Variants in CAMSAP1 observed in about 807,000 individuals in gnomAD.
CAMSAP1 encodes the protein calmodulin-regulated spectrin-associated protein 1.
A neutral mutation model predicts 143.5 loss-of-function variants in CAMSAP1; 58 were observed. The observed-to-expected ratio is 0.40, with a 90% confidence interval of 0.33 to 0.50. The LOEUF (loss-of-function observed/expected upper bound fraction) is 0.50. CAMSAP1 is among the 20% of genes least tolerant of loss of function. The pLI, the probability that CAMSAP1 is intolerant of heterozygous loss-of-function variation, is 0.45. For missense variants in CAMSAP1, 1,969 were observed against 2,115.7 expected, an observed-to-expected ratio of 0.93 and a Z score of 1.36; for synonymous variants, 945 against 859.3, an observed-to-expected ratio of 1.10 and a Z score of -1.74.
intron 7 of CAMSAP1, among the ~76,000 whole-genome samples, chr9:135,843,055 T>G (rs1460681168): frequency 6.6e-6 from 1 of 151,980 alleles, no homozygotes; most frequent in Non-Finnish European, 1.5e-5. Context: ...GGGCCGGGTG[T>G]GGTGGCTCGC....
chr9:135,853,883 G>C (rs2130911789), intron 5 of CAMSAP1, among the ~76,000 whole-genome samples: 1 of 152,374 alleles, frequency 6.6e-6, no homozygotes, highest in East Asian at 1.9e-4. Flanking sequence ...ATGAGGCCCA[G>C]AGCCACGATC....
rs114408782 is a variant in CAMSAP1, at chr9:135,877,019, G to T, written c.585+4614C>A. 1.7e-3 allele frequency among the ~76,000 whole-genome samples: 262 copies of T among 152,060 alleles called. 2 individuals carry two copies. The highest frequency in any genetic ancestry group is 6.0e-3 in the African/African-American group (251 of 41,496). On this transcript the variant is annotated intron_variant, in intron 3 of 16. Transcript: ENST00000389532. ...GTGAGACTACATCTAAAAAAAGAAAGAAATAAAAATATATCTGCACACAAA... is the reference window on the plus strand; with the variant it reads ...GTGAGACTACATCTAAAAAAAGAAATAAATAAAAATATATCTGCACACAAA...
chr9:135,823,313 C>G, intron 10 of CAMSAP1, 53 bp from the exon 11 acceptor site: 3 of 1,504,756 alleles, frequency 2.0e-6, no homozygotes, highest in Admixed American at 2.3e-5. Context: ...CCAAAGACCC[C>G]CAACATGGAC....
chr9:135,818,300 C>G lies in CAMSAP1; in HGVS notation c.4168+108G>C. On this transcript the variant is annotated intron_variant, in intron 13 of 16. Coordinates refer to ENST00000389532, the MANE Select transcript of CAMSAP1 (RefSeq NM_015447.4). The surrounding 1 kb of genome is among the most constrained non-coding windows in gnomAD (Gnocchi z 7.7). ...TGAAACGGGGATAATCATCTCCACC[C>G]TTCCCGCCTCACACCACTCTTGATG... The G allele has an allele frequency of 7.9e-7, 1 of 1,264,304 alleles. No individual in the cohort carries two copies. Among genetic ancestry groups the G allele is most frequent in the Non-Finnish European group, 1.1e-6 (1 of 923,110 alleles). The allele number at this position is 1,264,304 out of a possible 1,614,324, so 78.3% of individuals were successfully genotyped here. A position where few individuals can be genotyped will look rare whatever the true frequency, so the allele number is the denominator to read the frequency against.
intron 7 of CAMSAP1, chr9:135,849,912 T>C: frequency 2.4e-6 from 1 of 424,374 alleles, no homozygotes; most frequent in Admixed American, 4.0e-5. Context: ...CCTGGAACTT[T>C]TAGAGTTGTG....
chr9:135,905,253 A>C (rs546972053), intron 1 of CAMSAP1, among the ~76,000 whole-genome samples: 1 of 152,240 alleles, frequency 6.6e-6, no homozygotes, highest in Non-Finnish European at 1.5e-5. Context: ...ATACTAACAC[A>C]GAGACACGCG....
rs11553781 is a variant in CAMSAP1, at chr9:135,809,997, T to C, written c.*1312A>G. The C allele has an allele frequency of 6.5e-6, 1 of 152,776 alleles. No homozygotes were observed. The highest frequency in any genetic ancestry group is 2.1e-4 in the South Asian group (1 of 4,828). The allele number at this position is 152,776 out of a possible 1,614,324, so 9.5% of individuals were successfully genotyped here. A position where few individuals can be genotyped will look rare whatever the true frequency, so the allele number is the denominator to read the frequency against. ...TTGATCTTTTGATTTTTTCTGCAGT[T>C]TGAGATAGATTCAAGTAACACTCCC... On this transcript the variant is annotated 3_prime_UTR_variant, in exon 17 of 17. Transcript: ENST00000389532.
In CAMSAP1 at chr9:135,810,259, A is replaced by G. The variant is rs546903710; in HGVS notation, c.*1050T>C. 8.5e-5 allele frequency: 13 copies of G among 152,378 alleles called. No individual in the cohort carries two copies. The East Asian group carries it at 2.5e-3, about 29-fold the overall frequency. 9.4% of individuals were successfully genotyped at this position (152,378 alleles called of 1,614,324 possible). ...ATTGTTTTTAAATAGGCAACAAAACAAAAGTATCCATCTACAGGGGAAACG... is the reference window on the plus strand; with the variant it reads ...ATTGTTTTTAAATAGGCAACAAAACGAAAGTATCCATCTACAGGGGAAACG... On this transcript the variant is annotated 3_prime_UTR_variant, in exon 17 of 17. Transcript: ENST00000389532.
In CAMSAP1 at chr9:135,827,430, C is replaced by A; in HGVS notation, c.1200G>T (p.Leu400=). The change falls in exon 8 of 17, where the codon CTG becomes CTT. Residue 400 remains leucine (L), a synonymous_variant. Transcript: ENST00000389532. ...ACAGGTATTCAGGTTCTTCCGGGTG[C>A]AGGTAGTGCCTGTGACAGCCTTCCG... The part of the protein sequence containing the change: ...LPAEGCHRHY[L]HPEEPEYLGK... 6.3e-7 allele frequency: 1 copy of A among 1,580,406 alleles called. No individual in the cohort carries two copies. Among genetic ancestry groups the A allele is most frequent in the Non-Finnish European group, 8.6e-7 (1 of 1,156,214 alleles).
chr9:135,866,473 T>C lies in CAMSAP1; in HGVS notation c.649A>G (p.Ser217Gly). Residue 217 changes from serine to glycine, a missense_variant, in exon 4 of 17, where the codon AGT becomes GGT. By Grantham distance (56) the Ser-to-Gly change is moderately conservative. Transcript: ENST00000389532. Reference protein sequence around the residue: ...EVKLKQQLLESPAHQKVRYRR... With the variant: ...EVKLKQQLLEGPAHQKVRYRR... ...CCCTTTACCTTTTGATGAGCTGGAC[T>C]TTCCAATAACTGTTGTTTTAATTTA... 5 of 1,466,454 alleles carry C rather than the reference T, an allele frequency of 3.4e-6. No individual in the cohort carries two copies. The highest frequency in any genetic ancestry group is 4.7e-6 in the Non-Finnish European group (5 of 1,069,620). 90.8% of individuals were successfully genotyped at this position (1,466,454 alleles called of 1,614,324 possible).
At chr9:135,875,257 T>TG (rs1173770237) in intron 3 of CAMSAP1, among the ~76,000 whole-genome samples, 2 of 151,672 alleles carry the variant, frequency 1.3e-5, no homozygotes, top group Non-Finnish European at 2.9e-5. Context: ...TCGCCCAGGC[T>TG]GGAGTGCAGT....
intron 1 of CAMSAP1, among the ~76,000 whole-genome samples, chr9:135,896,719 T>C (rs1176585147): frequency 3.9e-5 from 6 of 152,264 alleles, no homozygotes; most frequent in Non-Finnish European, 7.3e-5. Flanking sequence ...CTCTGAACAC[T>C]TGAAAATTAA....
At chr9:135,838,941 A>C (rs928539122) in intron 7 of CAMSAP1, among the ~76,000 whole-genome samples, 1 of 151,426 alleles carries the variant, frequency 6.6e-6, no homozygotes, top group Admixed American at 6.6e-5. Flanking sequence ...CTTCAGAGAC[A>C]TATCACCACA....
At chr9:135,881,488 C>G in intron 3 of CAMSAP1, 145 bp downstream of exon 3, 2 of 912,020 alleles carry the variant, frequency 2.2e-6, no homozygotes, top group Admixed American at 4.9e-5. Flanking sequence ...TTAACTACAG[C>G]AGACACATTT....
chr9:135,859,067 C>T (rs1010431068), intron 5 of CAMSAP1, among the ~76,000 whole-genome samples: 3 of 152,208 alleles, frequency 2.0e-5, no homozygotes, highest in African/African-American at 7.2e-5. Context: ...CAAATTCACA[C>T]CTGAAATGAA....
At chr9:135,877,296 T>TA (rs1187260100) in intron 3 of CAMSAP1, among the ~76,000 whole-genome samples, 1 of 151,404 alleles carries the variant, frequency 6.6e-6, no homozygotes, top group African/African-American at 2.4e-5. Flanking sequence ...AAAGCAAAAC[T>TA]AATCCACCGT....
chr9:135,827,682 T>C lies in CAMSAP1; in HGVS notation c.1046-98A>G, dbSNP rs1414111790. The C allele has an allele frequency of 2.8e-5, 33 of 1,194,508 alleles. No homozygotes were observed. In the East Asian group the frequency reaches 6.0e-4, roughly 22 times the overall value. 74.0% of individuals were successfully genotyped at this position (1,194,508 alleles called of 1,614,324 possible). ...TTATAAGCACTAACTCAACCTTTTA[T>C]TGAAACCAAACTTCTGCCAAAAAAA... On this transcript the variant is annotated intron_variant, in intron 7 of 16. Coordinates refer to ENST00000389532, the MANE Select transcript of CAMSAP1 (RefSeq NM_015447.4).
rs374742668 is a variant in CAMSAP1, at chr9:135,821,115, C to A, written c.3546G>T (p.Leu1182=). ...GAATGTTGGCATCTTTGGAAGAGGA[C>A]AGAGTAAGTGTCCGCTGATTGCTTT... ...HDESNQRTLT[L]SSSKDANILS... The change falls in exon 11 of 17, where the codon CTG becomes CTT. Residue 1182 remains leucine (L), a synonymous_variant. Coordinates refer to ENST00000389532, the MANE Select transcript of CAMSAP1 (RefSeq NM_015447.4). This position sits in a 1 kb window ranked among gnomAD's most constrained non-coding sequence, Gnocchi z 4.6. 3.2e-5 allele frequency: 51 copies of A among 1,613,570 alleles called. No individual in the cohort carries two copies. Among genetic ancestry groups the A allele is most frequent in the Non-Finnish European group, 4.1e-5 (48 of 1,179,904 alleles).
Position 135,850,232 on chromosome 9 carries a change from G to T in CAMSAP1, c.950C>A (p.Pro317Gln). Residue 317 changes from proline to glutamine, a missense_variant and splice_region_variant, in exon 7 of 17, where the codon CCG becomes CAG. Transcript: ENST00000389532. ...CTCCGCAATAAAAACCATAACATTC[G>T]GCTAAAAGACAAAAACAAAAAACCA... ...DMLYAPLVLK[P>Q]NVMVFIAELF... 6.2e-7 allele frequency: 1 copy of T among 1,612,588 alleles called. No homozygotes were observed. Among genetic ancestry groups the T allele is most frequent in the South Asian group, 1.1e-5 (1 of 90,842 alleles).
Sources: allele counts gnomAD v4.1 joint callset (sites outside exome capture counted in the v4.1 genomes callset), GRCh38; gene constraint gnomAD v4.1.1; non-coding constraint Gnocchi (gnomAD v3.1); transcripts MANE v1.5; gene names NCBI Gene and HGNC (gene_info 2026-07-23, HGNC 2026-07-21).